FANK1: variants seen among roughly 807,000 people sequenced by gnomAD.
The protein encoded by FANK1 is fibronectin type 3 and ankyrin repeat domains protein 1.
A neutral mutation model predicts 45.3 loss-of-function variants in FANK1; 44 were observed. The ratio of observed to expected loss-of-function variants is 0.97; its 90% CI spans 0.76 to 1.25. The LOEUF is 1.25. Among genes scored for constraint, FANK1 ranks in the 50% most tolerant of loss-of-function variants. FANK1 has a pLI of 0.00. For missense variants in FANK1, 391 were observed against 424.4 expected, an observed-to-expected ratio of 0.92 and a Z score of 0.69; for synonymous variants, 149 against 152.5, an observed-to-expected ratio of 0.98 and a Z score of 0.17.
At chr10:125,939,818 A>G (rs1159319430) in intron 1 of FANK1, among the ~76,000 whole-genome samples, 1 of 152,084 alleles carries the variant, frequency 6.6e-6, no homozygotes, top group East Asian at 1.9e-4. Flanking sequence ...ATAAAATTAT[A>G]TATATTTCAT....
At chr10:125,920,439 G>C (rs1181309850) in intron 1 of FANK1, among the ~76,000 whole-genome samples, 1 of 152,160 alleles carries the variant, frequency 6.6e-6, no homozygotes, top group South Asian at 2.1e-4. Context: ...GAAATTTACA[G>C]AGATTTTTTT....
rs1288467195 is a variant in FANK1, at chr10:126,008,525, A to G, written c.824A>G (p.Asp275Gly). The change falls in exon 8 of 11, where the codon GAC becomes GGC. Residue 275 changes from aspartate (D) to glycine (G), a missense_variant. Transcript: ENST00000368693. ...IDAGANVNVK[D>G]RNGKTPLMVA... ...GCTGGGGCCAATGTGAATGTGAAGG[A>G]CAGAAATGGAAAGACGCCCCTTATG... The G allele has an allele frequency of 8.1e-6, 13 of 1,612,362 alleles. No homozygotes were observed. Among genetic ancestry groups the G allele is most frequent in the Non-Finnish European group, 8.5e-6 (10 of 1,179,570 alleles).
chr10:125,965,569 T>C (rs1950162867), intron 1 of FANK1, among the ~76,000 whole-genome samples: 1 of 152,338 alleles, frequency 6.6e-6, no homozygotes, highest in Non-Finnish European at 1.5e-5. Flanking sequence ...GAGATCTGGA[T>C]TGAAATCCTT....
At position 125,994,722 on chromosome 10, in the gene FANK1, C is replaced by G. The variant is rs932758791; in HGVS notation, c.317-695C>G. The G allele has an allele frequency of 2.4e-5, 24 of 985,256 alleles. No homozygotes were observed. In the East Asian group the frequency reaches 1.2e-3, roughly 51 times the overall value. The allele number at this position is 985,256 out of a possible 1,614,324, so 61.0% of individuals were successfully genotyped here. ...TGGCTTCTACATAGCCCTTTATTCTCCCTCTGCTTGTGCTGCCCGCCTGCC... is the reference window on the plus strand; with the variant it reads ...TGGCTTCTACATAGCCCTTTATTCTGCCTCTGCTTGTGCTGCCCGCCTGCC... On this transcript the variant is annotated intron_variant, in intron 3 of 10. Transcript: ENST00000368693.
chr10:125,980,435 TAAAG>T (rs1951129651), intron 2 of FANK1, 97 bp downstream of exon 2: 1 of 1,337,574 alleles, frequency 7.5e-7, no homozygotes, highest in Admixed American at 2.5e-5. Flanking sequence ...TGTTTCAAAT[TAAAG>T]AATGAGTCAG....
At chr10:125,931,684 T>C (rs932558364) in intron 1 of FANK1, among the ~76,000 whole-genome samples, 1 of 152,246 alleles carries the variant, frequency 6.6e-6, no homozygotes, top group African/African-American at 2.4e-5. Flanking sequence ...CTGACTGTTC[T>C]TTTGCCATGC....
At chr10:125,911,942 T>C (rs1050640639) in intron 1 of FANK1, among the ~76,000 whole-genome samples, 1 of 152,224 alleles carries the variant, frequency 6.6e-6, no homozygotes, top group Non-Finnish European at 1.5e-5. Flanking sequence ...CTGTGCATGA[T>C]AGTTAGAGGG....
At chr10:125,970,250 G>A (rs1040415803) in intron 1 of FANK1, among the ~76,000 whole-genome samples, 3 of 151,866 alleles carry the variant, frequency 2.0e-5, no homozygotes, top group African/African-American at 7.3e-5. Context: ...AGGCAGAGGC[G>A]CCCCTGCCTT....
At chr10:125,957,880 C>CT (rs1363569566) in intron 1 of FANK1, among the ~76,000 whole-genome samples, 1 of 151,620 alleles carries the variant, frequency 6.6e-6, no homozygotes, top group Non-Finnish European at 1.5e-5. Flanking sequence ...GTTTGACACA[C>CT]TTTCCTTCTG....
At chr10:125,997,197 A>C (rs1247150798) in intron 5 of FANK1, among the ~76,000 whole-genome samples, 1 of 152,342 alleles carries the variant, frequency 6.6e-6, no homozygotes, top group Admixed American at 6.5e-5. Flanking sequence ...TTTGATTTTA[A>C]TGAATAACTC....
chr10:125,921,305 G>A (rs1174577672), intron 1 of FANK1, among the ~76,000 whole-genome samples: 1 of 151,988 alleles, frequency 6.6e-6, no homozygotes, highest in Non-Finnish European at 1.5e-5. Context: ...AAATGGAATC[G>A]TTCAGGCTGT....
At chr10:125,903,852 T>A (rs190325770) in intron 1 of FANK1, among the ~76,000 whole-genome samples, 1 of 151,958 alleles carries the variant, frequency 6.6e-6, no homozygotes, top group Non-Finnish European at 1.5e-5. Context: ...TTTGTTTGTT[T>A]TGTTTTGTTT....
intron 1 of FANK1, among the ~76,000 whole-genome samples, chr10:125,950,652 A>C (rs1359107380): frequency 3.3e-5 from 5 of 152,208 alleles, no homozygotes; most frequent in African/African-American, 1.2e-4. Flanking sequence ...GTGGGACTGT[A>C]AACTAGTTCA....
intron 1 of FANK1, among the ~76,000 whole-genome samples, chr10:125,897,005 T>C (rs1475240543): frequency 6.6e-6 from 1 of 152,300 alleles, no homozygotes; most frequent in African/African-American, 2.4e-5. Context: ...ATGATTTTAG[T>C]TTGGTAGTTT....
At chr10:125,966,139 TTTGAACTGA>T (rs1950191696) in intron 1 of FANK1, among the ~76,000 whole-genome samples, 1 of 152,152 alleles carries the variant, frequency 6.6e-6, no homozygotes, top group Admixed American at 6.5e-5. Flanking sequence ...GTTTTTGATG[TTTGAACTGA>T]TTTTTGCCCT....
chr10:125,984,937 G>A (rs932112340), intron 2 of FANK1, among the ~76,000 whole-genome samples: 3 of 152,188 alleles, frequency 2.0e-5, no homozygotes, highest in Non-Finnish European at 4.4e-5. Context: ...GCTCTCATGA[G>A]TCCTCCCTGC....
At chr10:125,904,646 G>T (rs1253147839) in intron 1 of FANK1, among the ~76,000 whole-genome samples, 1 of 151,906 alleles carries the variant, frequency 6.6e-6, no homozygotes, top group East Asian at 1.9e-4. Context: ...AAAGTGCTGG[G>T]ATTACAGGCA....
intron 1 of FANK1, among the ~76,000 whole-genome samples, chr10:125,968,375 A>G (rs879286712): frequency 1.1e-4 from 16 of 152,216 alleles, no homozygotes; most frequent in Non-Finnish European, 2.1e-4. Flanking sequence ...GTGTGCAGTC[A>G]TCTTCACTGT....
chr10:125,918,571 AAAAAAAAAAAAAAAAT>A (rs1443346996), intron 1 of FANK1, among the ~76,000 whole-genome samples: 3 of 120,470 alleles, frequency 2.5e-5, no homozygotes, highest in Admixed American at 8.2e-5. Context: ...AAAAAAAAAA[AAAAAAAAAAAAAAAAT>A]ATATATATAT....
Sources: allele counts gnomAD v4.1 joint callset (sites outside exome capture counted in the v4.1 genomes callset), GRCh38; gene constraint gnomAD v4.1.1; transcripts MANE v1.5; gene names NCBI Gene and HGNC (gene_info 2026-07-23, HGNC 2026-07-21).